The following RALGPS1 variants were observed in gnomAD, a reference collection of about 807,000 sequenced individuals.
The protein encoded by RALGPS1 is ras-specific guanine nucleotide-releasing factor RalGPS1.
In RALGPS1, 19 loss-of-function variants were observed where a neutral mutation model predicts 78.8. The ratio of observed to expected loss-of-function variants is 0.24; its 90% CI spans 0.17 to 0.35. RALGPS1 has a LOEUF of 0.35. Among genes scored for constraint, RALGPS1 ranks in the 10% least tolerant of loss-of-function variants. The pLI is 1.00. For missense variants in RALGPS1, 454 were observed against 688.3 expected (o/e 0.66, Z 3.81); for synonymous variants, 228 against 256.3 (o/e 0.89, Z 1.06).
chr9:126,958,045 C>T (rs1197752112), intron 1 of RALGPS1, among the ~76,000 whole-genome samples: 1 of 150,470 alleles, frequency 6.6e-6, no homozygotes, highest in Non-Finnish European at 1.5e-5. Context: ...GGCTGAGGAT[C>T]CCTTCAGCCC....
intron 7 of RALGPS1, 31 bp downstream of exon 7, chr9:127,052,970 T>G: frequency 7.0e-7 from 1 of 1,425,636 alleles, no homozygotes; most frequent in Non-Finnish European, 9.9e-7. Context: ...CTATCTAATT[T>G]TGGCTATCAT....
intron 4 of RALGPS1, among the ~76,000 whole-genome samples, chr9:127,025,531 G>A (rs186935206): frequency 2.0e-5 from 3 of 152,106 alleles, no homozygotes; most frequent in African/African-American, 7.2e-5. Context: ...ATAGCACCTG[G>A]TATTGTCACT....
At chr9:127,200,371 A>G (rs564723953) in intron 14 of RALGPS1, among the ~76,000 whole-genome samples, 15 of 152,360 alleles carry the variant, frequency 9.8e-5, no homozygotes, top group African/African-American at 3.6e-4. Context: ...ACTCCTGCAC[A>G]ACAGCCATTC....
chr9:127,095,398 G>A (rs763220791), intron 8 of RALGPS1, among the ~76,000 whole-genome samples: 9 of 152,152 alleles, frequency 5.9e-5, no homozygotes, highest in Non-Finnish European at 7.3e-5. Context: ...ACAAGACTCC[G>A]TCTCAAAAAA....
intron 1 of RALGPS1, among the ~76,000 whole-genome samples, chr9:126,941,866 T>C (rs529959375): frequency 6.6e-6 from 1 of 152,346 alleles, no homozygotes; most frequent in Non-Finnish European, 1.5e-5. Context: ...CCTGGCTTTT[T>C]TGTAGCCAGT....
At chr9:127,080,608 C>G (rs976486123) in intron 8 of RALGPS1, among the ~76,000 whole-genome samples, 2 of 152,156 alleles carry the variant, frequency 1.3e-5, no homozygotes, top group African/African-American at 4.8e-5. Context: ...CTAGAACTCC[C>G]CTGTTCTTTC....
At chr9:127,154,565 A>G (rs902890851) in intron 8 of RALGPS1, among the ~76,000 whole-genome samples, 1 of 152,256 alleles carries the variant, frequency 6.6e-6, no homozygotes, top group African/African-American at 2.4e-5. Flanking sequence ...AGTGAAAATC[A>G]GTTTCGATCT....
chr9:126,987,939 G>A (rs935371063), intron 4 of RALGPS1, among the ~76,000 whole-genome samples: 3 of 152,208 alleles, frequency 2.0e-5, no homozygotes, highest in African/African-American at 4.8e-5. Flanking sequence ...CAAGGAGCAT[G>A]TCCCACAGAA....
At chr9:127,127,351 AG>A (rs1415911336) in intron 8 of RALGPS1, among the ~76,000 whole-genome samples, 1 of 152,226 alleles carries the variant, frequency 6.6e-6, no homozygotes, top group Non-Finnish European at 1.5e-5. Flanking sequence ...GTTATTGACC[AG>A]AGTAGTTGTT....
intron 2 of RALGPS1, 112 bp downstream of exon 2, chr9:126,962,458 T>G: frequency 9.3e-7 from 1 of 1,072,522 alleles, no homozygotes; most frequent in Non-Finnish European, 1.4e-6. Context: ...AATACCACCA[T>G]TCTTAGCACT....
Position 127,136,732 on chromosome 9 carries a change from G to A in RALGPS1, c.611-29337G>A, listed in dbSNP as rs148032860. ...TTCATCATCTCCTCATTGTGATCAC[G>A]CAGGACCTGGTGCATACCTGGTTTT... On this transcript the variant is annotated intron_variant, in intron 8 of 18. Transcript: ENST00000259351. Among the ~76,000 whole-genome samples, 12 of 152,126 alleles carry A rather than the reference G, an allele frequency of 7.9e-5. No individual in the cohort carries two copies. In the East Asian group the frequency reaches 1.5e-3, roughly 20 times the overall value.
chr9:127,064,426 C>G (rs1296724403), intron 7 of RALGPS1, among the ~76,000 whole-genome samples: 1 of 152,076 alleles, frequency 6.6e-6, no homozygotes, highest in Non-Finnish European at 1.5e-5. Context: ...AAAATTAAAC[C>G]TAAAAAACTT....
chr9:127,044,820 A>G (rs979116057), intron 5 of RALGPS1, among the ~76,000 whole-genome samples: 4 of 152,186 alleles, frequency 2.6e-5, no homozygotes, highest in Non-Finnish European at 5.9e-5. Context: ...CAAGTGAAAA[A>G]AGCCAGTCTT....
At chr9:127,040,545 A>G (rs920724192) in intron 5 of RALGPS1, among the ~76,000 whole-genome samples, 1 of 152,180 alleles carries the variant, frequency 6.6e-6, no homozygotes, top group Admixed American at 6.5e-5. Context: ...GGAGAGAGTA[A>G]GGACTAGAAT....
chr9:127,200,630 G>T (rs1332488893), intron 14 of RALGPS1, among the ~76,000 whole-genome samples: 2 of 152,242 alleles, frequency 1.3e-5, no homozygotes, highest in African/African-American at 4.8e-5. Context: ...AGCCCTCAGA[G>T]GCTCTCTCTT....
intron 8 of RALGPS1, chr9:127,088,514 G>C (rs573087830): frequency 5.4e-6 from 1 of 183,492 alleles, no homozygotes; most frequent in East Asian, 1.5e-4. Flanking sequence ...TGTGTATTTA[G>C]GTATCTAAGG....
At chr9:127,019,521 G>T (rs145130938) in intron 4 of RALGPS1, among the ~76,000 whole-genome samples, 1 of 151,994 alleles carries the variant, frequency 6.6e-6, no homozygotes, top group African/African-American at 2.4e-5. Flanking sequence ...TAGAGACAGG[G>T]TTTCACCATG....
intron 8 of RALGPS1, among the ~76,000 whole-genome samples, chr9:127,116,431 CA>C (rs1211390228): frequency 6.6e-5 from 10 of 152,174 alleles, no homozygotes; most frequent in Non-Finnish European, 1.5e-4. Flanking sequence ...GAGATTCCCC[CA>C]AAGTCTGTGC....
chr9:127,139,800 C>G (rs555531520), intron 8 of RALGPS1, among the ~76,000 whole-genome samples: 28 of 152,360 alleles, frequency 1.8e-4, no homozygotes, highest in South Asian at 4.1e-4. Context: ...TCTGTGACCA[C>G]CTTTGCCATT....
Sources: gnomAD v4.1 joint callset for allele counts (sites outside exome capture counted in the v4.1 genomes callset) on GRCh38, gnomAD v4.1.1 for gene constraint, MANE v1.5 for transcripts, NCBI Gene and HGNC (gene_info 2026-07-23, HGNC 2026-07-21) for gene names.